Variants in PTPN4 observed in about 807,000 individuals in gnomAD.
PTPN4 encodes the protein protein tyrosine phosphatase non-receptor type 4, also known as tyrosine-protein phosphatase non-receptor type 4.
A neutral mutation model predicts 135.5 loss-of-function variants in PTPN4; 49 were observed. The observed-to-expected ratio is 0.36, with a 90% CI of 0.29 to 0.46. PTPN4 has a LOEUF of 0.46. Among genes scored for constraint, PTPN4 ranks in the 20% least tolerant of loss-of-function variants. The pLI, the probability that PTPN4 is intolerant of heterozygous loss-of-function variation, is 1.00. For missense variants in PTPN4, 860 were observed against 1,101.0 expected (o/e 0.78, Z 3.10); for synonymous variants, 333 against 369.9 (o/e 0.90, Z 1.14).
At position 119,955,165 on chromosome 2, in the gene PTPN4, G is replaced by T; in HGVS notation, c.1822G>T (p.Asp608Tyr). The T allele has an allele frequency of 6.2e-7, 1 of 1,603,194 alleles. No homozygotes were observed. The change falls in exon 20 of 27, where the codon GAT (aspartate) becomes TAT (tyrosine). Residue 608 changes from aspartate to tyrosine, a missense_variant. Asp to Tyr is a radical substitution (Grantham distance 160, BLOSUM62 -3). Around this residue, in one of 2 missense-constraint regions of PTPN4, gnomAD observed 684 missense variants for 807.0 expected, o/e 0.85. Transcript: ENST00000263708. ...MLLVRPNAVY[D>Y]VVEEKLENEP... Reference sequence around the variant, plus strand: ...TGATTTTTTTTTTTTAGCTGTATATGATGTAGTGGAAGAAAAGCTAGAAAA... The same window carrying T: ...TGATTTTTTTTTTTTAGCTGTATATTATGTAGTGGAAGAAAAGCTAGAAAA...
At chr2:119,927,071 TTTATTGTC>T (rs1187130844) in intron 13 of PTPN4, among the ~76,000 whole-genome samples, 1 of 151,964 alleles carries the variant, frequency 6.6e-6, no homozygotes, top group Non-Finnish European at 1.5e-5. Context: ...TTGTTTACCA[TTTATTGTC>T]TTTATTTCTT....
intron 12 of PTPN4, among the ~76,000 whole-genome samples, chr2:119,925,787 T>C (rs774792935): frequency 5.3e-5 from 8 of 152,206 alleles, no homozygotes; most frequent in Non-Finnish European, 8.8e-5. Flanking sequence ...TCTCCACCAG[T>C]CTCTTCATGT....
intron 15 of PTPN4, among the ~76,000 whole-genome samples, chr2:119,943,588 T>C (rs1050662368): frequency 2.3e-5 from 3 of 133,152 alleles, no homozygotes; most frequent in Non-Finnish European, 3.2e-5. Flanking sequence ...TTCTTTTTTT[T>C]TTTTTTTTTT....
rs1679735204 is a variant in PTPN4 at position 119,984,377 on chromosome 2, TAAG to T, written c.*7309_*7311del. Among the ~76,000 whole-genome samples, 1 of 152,200 alleles carries T rather than the reference TAAG, an allele frequency of 6.6e-6. No homozygotes were observed. Among genetic ancestry groups the T allele is most frequent in the Non-Finnish European group, 1.5e-5 (1 of 68,026 alleles). On this transcript the variant is annotated 3_prime_UTR_variant, in exon 27 of 27. Coordinates refer to ENST00000263708, the MANE Select transcript of PTPN4 (RefSeq NM_002830.4). ...TTAAAAGTCTAGCTTATGTCATAATTAAGATACAATTATTCATTTCATGTTTGA... is the reference window on the plus strand; with the variant it reads ...TTAAAAGTCTAGCTTATGTCATAATTATACAATTATTCATTTCATGTTTGA...
chr2:119,928,563 C>G (rs1347871662), intron 13 of PTPN4, among the ~76,000 whole-genome samples: 1 of 152,060 alleles, frequency 6.6e-6, no homozygotes, highest in Non-Finnish European at 1.5e-5. Flanking sequence ...CATGAGTTGT[C>G]TTCTAATCAA....
chr2:119,906,027 G>A (rs897702078), intron 10 of PTPN4, among the ~76,000 whole-genome samples: 1 of 152,058 alleles, frequency 6.6e-6, no homozygotes, highest in Admixed American at 6.5e-5. Context: ...CAAATAAACA[G>A]TTTAATGATG....
At chr2:119,779,802 T>G (rs1369993986) in intron 1 of PTPN4, among the ~76,000 whole-genome samples, 2 of 152,184 alleles carry the variant, frequency 1.3e-5, no homozygotes, top group Non-Finnish European at 2.9e-5. Flanking sequence ...AGAAGGGCAG[T>G]GGTGTGATCT....
chr2:119,783,358 C>T (rs982683164), intron 1 of PTPN4, among the ~76,000 whole-genome samples: 2 of 152,180 alleles, frequency 1.3e-5, no homozygotes, highest in Non-Finnish European at 2.9e-5. Flanking sequence ...TTTGTGAGCC[C>T]TTACTGTAAC....
chr2:119,919,084 G>A (rs959243626), intron 11 of PTPN4, among the ~76,000 whole-genome samples: 1 of 152,166 alleles, frequency 6.6e-6, no homozygotes, highest in African/African-American at 2.4e-5. Context: ...GGTAGAAAGG[G>A]GAGACAAAGG....
chr2:119,851,864 C>G lies in PTPN4; in HGVS notation c.139-10672C>G, dbSNP rs530984014. ...AATTGTGGAACCATCACCTGATCAC[C>G]TGACATTCCTGGTGGATGGGGAGAG... On this transcript the variant is annotated intron_variant, in intron 2 of 26. Coordinates refer to ENST00000263708, the MANE Select transcript of PTPN4 (RefSeq NM_002830.4). Among the ~76,000 whole-genome samples the G allele has an allele frequency of 9.8e-5, 15 of 152,348 alleles. No individual in the cohort carries two copies. The East Asian group carries it at 2.7e-3, about 27-fold the overall frequency.
At chr2:119,838,169 A>G (rs1677324458) in intron 2 of PTPN4, among the ~76,000 whole-genome samples, 1 of 151,752 alleles carries the variant, frequency 6.6e-6, no homozygotes, top group African/African-American at 2.4e-5. Context: ...ATCATCTTGT[A>G]TTTTTCTTCA....
At position 119,980,422 on chromosome 2, in the gene PTPN4, C is replaced by G. The variant is rs1368634210; in HGVS notation, c.*3352C>G. 6.6e-6 allele frequency: 1 copy of G among 151,964 alleles called. No homozygotes were observed. Among genetic ancestry groups the G allele is most frequent in the African/African-American group, 2.4e-5 (1 of 41,396 alleles). The allele number at this position is 151,964 out of a possible 1,614,324, so 9.4% of individuals were successfully genotyped here. On this transcript the variant is annotated 3_prime_UTR_variant, in exon 27 of 27. Transcript: ENST00000263708. The stretch of plus-strand genomic sequence containing the variant: ...CACTAGAAGTACTGCAGCTTGAGAG[C>G]TGAAAGGAACTTGAAAAATGTTATC...
intron 2 of PTPN4, among the ~76,000 whole-genome samples, chr2:119,841,714 C>G (rs1677384521): frequency 6.6e-6 from 1 of 152,176 alleles, no homozygotes; most frequent in Admixed American, 6.5e-5. Flanking sequence ...GTATCTGTTT[C>G]TTCTCCCTTC....
chr2:119,763,715 G>T (rs994492018), intron 1 of PTPN4, among the ~76,000 whole-genome samples: 1 of 152,146 alleles, frequency 6.6e-6, no homozygotes, highest in Non-Finnish European at 1.5e-5. Flanking sequence ...GTTAGTTATG[G>T]TAGCCATTAA....
intron 2 of PTPN4, among the ~76,000 whole-genome samples, chr2:119,850,722 G>A (rs1256262972): frequency 2.0e-5 from 3 of 152,094 alleles, no homozygotes; most frequent in African/African-American, 7.2e-5. Flanking sequence ...CTTTCTTTTA[G>A]GTGAATTCTC....
At chr2:119,870,806 G>C (rs954866547) in intron 3 of PTPN4, among the ~76,000 whole-genome samples, 1 of 152,034 alleles carries the variant, frequency 6.6e-6, no homozygotes, top group East Asian at 1.9e-4. Context: ...AAATTTAAAT[G>C]TAAAACAATA....
At chr2:119,841,347 CTATG>C (rs778362122) in intron 2 of PTPN4, among the ~76,000 whole-genome samples, 2 of 152,038 alleles carry the variant, frequency 1.3e-5, no homozygotes, top group Non-Finnish European at 1.5e-5. Flanking sequence ...ATGTATGTGT[CTATG>C]TGTGTGTATG....
chr2:119,857,402 C>T lies in PTPN4; in HGVS notation c.139-5134C>T, dbSNP rs537309151. Among the ~76,000 whole-genome samples, 5 of 151,642 alleles carry T rather than the reference C, an allele frequency of 3.3e-5. No homozygotes were observed. In the South Asian group the frequency reaches 6.2e-4, roughly 19 times the overall value. ...AAAAAAAATTAGCCAGGCTTGGTCG[C>T]GTGTGCCTGTAATCCCAGCTACTGG... On this transcript the variant is annotated intron_variant, in intron 2 of 26. Transcript: ENST00000263708.
intron 2 of PTPN4, among the ~76,000 whole-genome samples, chr2:119,817,533 T>C (rs948161273): frequency 6.6e-6 from 1 of 152,188 alleles, no homozygotes; most frequent in Non-Finnish European, 1.5e-5. Flanking sequence ...ATGTCTGTTT[T>C]TGTACTAGTA....
Sources: allele counts gnomAD v4.1 joint callset (sites outside exome capture counted in the v4.1 genomes callset), GRCh38; gene constraint gnomAD v4.1.1; regional missense constraint gnomAD v4.1.1; transcripts MANE v1.5; gene names NCBI Gene and HGNC (gene_info 2026-07-23, HGNC 2026-07-21).